The following PCDHGA7 variants were observed in gnomAD, a reference collection of about 807,000 sequenced individuals.
PCDHGA7 encodes the protein protocadherin gamma subfamily A, 7.
A neutral mutation model predicts 58.3 loss-of-function variants in PCDHGA7; 44 were observed. The observed-to-expected ratio is 0.75, with a 90% CI of 0.59 to 0.97. The LOEUF is 0.97. Among genes scored for constraint, PCDHGA7 ranks in the 50% least tolerant of loss-of-function variants. The probability of loss-of-function intolerance (pLI) is 0.00; values close to 1 mark genes in which losing one functional copy is unlikely to be tolerated. For synonymous variants in PCDHGA7, 516 were observed against 504.2 expected, an observed-to-expected ratio of 1.02 and a Z score of -0.31; for missense variants, 1,266 against 1,188.7, an observed-to-expected ratio of 1.06 and a Z score of -0.96.
At chr5:141,451,535 A>G (rs150174911) in intron 1 of PCDHGA7, among the ~76,000 whole-genome samples, 2 of 152,328 alleles carry the variant, frequency 1.3e-5, no homozygotes, top group Non-Finnish European at 2.9e-5. Flanking sequence ...GGAGAGTGCC[A>G]GAGAGGGCAA....
chr5:141,414,290 T>G (rs781378958), intron 1 of PCDHGA7: 5 of 1,613,154 alleles, frequency 3.1e-6, no homozygotes, highest in Non-Finnish European at 4.2e-6. Context: ...GTCGTAGCCC[T>G]TTTAAATGTG....
At chr5:141,426,334 C>T (rs551131722) in intron 1 of PCDHGA7, 1 of 186,734 alleles carries the variant, frequency 5.4e-6, no homozygotes, top group South Asian at 1.1e-4. Flanking sequence ...GTGGCAAGCA[C>T]TCTTCCCTTT....
At position 141,476,321 on chromosome 5, in the gene PCDHGA7, G is replaced by A; in HGVS notation, c.2425-18486G>A. 1 of 1,614,196 alleles carries A rather than the reference G, an allele frequency of 6.2e-7. No homozygotes were observed. The highest frequency in any genetic ancestry group is 1.3e-5 in the African/African-American group (1 of 75,054). ...CCTCTCAGCCCGCAGGTTCCGGGTG[G>A]TGTCTGGAGCTAGCCGAAGATTCTT... On this transcript the variant is annotated intron_variant, in intron 1 of 3. Coordinates refer to ENST00000518325, the MANE Select transcript of PCDHGA7 (RefSeq NM_018920.4). The surrounding 1 kb of genome is among the most constrained non-coding windows in gnomAD (Gnocchi z 7.6).
chr5:141,423,730 A>G, intron 1 of PCDHGA7: 1 of 831,022 alleles, frequency 1.2e-6, no homozygotes. Flanking sequence ...ATGTTTTTTG[A>G]GCCTGTTATG....
chr5:141,431,767 T>G lies in PCDHGA7; in HGVS notation c.2424+46444T>G, dbSNP rs1397063213. On this transcript the variant is annotated intron_variant, in intron 1 of 3. Coordinates refer to ENST00000518325, the MANE Select transcript of PCDHGA7 (RefSeq NM_018920.4). The surrounding 1 kb of genome is among the most constrained non-coding windows in gnomAD (Gnocchi z 4.8). ...CTGCGCGAGCCAAAGTCCTGATCAC[T>G]GTTCTGGACGTGAACGACAATGCCC... The G allele has an allele frequency of 6.2e-7, 1 of 1,614,224 alleles. No individual in the cohort carries two copies.
intron 1 of PCDHGA7, chr5:141,417,635 G>C (rs1195744332): frequency 1.4e-6 from 1 of 724,902 alleles, no homozygotes; most frequent in Non-Finnish European, 2.1e-6. Flanking sequence ...CTGACGCCGG[G>C]GATCCCTCAG....
At position 141,385,292 on chromosome 5, in the gene PCDHGA7, AG is replaced by A. The variant is rs1458906535; in HGVS notation, c.2395del (p.Glu799AsnfsTer53). 1 of 1,613,082 alleles carries A rather than the reference AG, an allele frequency of 6.2e-7. No homozygotes were observed. The highest frequency in any genetic ancestry group is 1.3e-5 in the African/African-American group (1 of 74,934). On this transcript the variant is annotated frameshift_variant, in exon 1 of 4. Transcript: ENST00000518325. LOFTEE classifies it high-confidence loss of function. ...TCTTTGCTAACATCCGTAGATTTTC[AG>A]GAATGTAAAGAAAACCTGCCAAGTA... ...NDSLLTSVDF[Q>X]ECKENLPSIQ...
intron 1 of PCDHGA7, chr5:141,396,655 C>T (rs1589287485): frequency 6.6e-6 from 1 of 152,052 alleles, no homozygotes; most frequent in South Asian, 2.1e-4. Context: ...AGTAAAAACT[C>T]GGTATAGGCT....
chr5:141,417,936 A>G (rs1266177574), intron 1 of PCDHGA7: 3 of 1,612,080 alleles, frequency 1.9e-6, no homozygotes, highest in Non-Finnish European at 1.7e-6. Flanking sequence ...CCTTTGTTCT[A>G]CCCCACGCTG....
At chr5:141,407,708 G>C (rs2094972839) in intron 1 of PCDHGA7, among the ~76,000 whole-genome samples, 1 of 152,106 alleles carries the variant, frequency 6.6e-6, no homozygotes, top group African/African-American at 2.4e-5. Flanking sequence ...TGAAGGTGGG[G>C]TGATGGCTAT....
At chr5:141,418,851 G>A (rs778281594) in intron 1 of PCDHGA7, 9 of 1,613,906 alleles carry the variant, frequency 5.6e-6, no homozygotes, top group South Asian at 2.2e-5. Context: ...TCAACACGGT[G>A]TAAAGTAATT....
At position 141,511,574 on chromosome 5, in the gene PCDHGA7, GT is replaced by G. The variant is rs1158598698; in HGVS notation, c.*403del. ...CAGTTCCTCTTTCCCGAGTAAGGTG[GT>G]TGGGGTGTTGAAGTACCAAGTAACC... On this transcript the variant is annotated 3_prime_UTR_variant, in exon 4 of 4. Coordinates refer to ENST00000518325, the MANE Select transcript of PCDHGA7 (RefSeq NM_018920.4). 3.5e-6 allele frequency: 1 copy of G among 287,556 alleles called. No individual in the cohort carries two copies. The highest frequency in any genetic ancestry group is 2.2e-5 in the African/African-American group (1 of 46,340). 17.8% of individuals were successfully genotyped at this position (287,556 alleles called of 1,614,324 possible).
intron 1 of PCDHGA7, among the ~76,000 whole-genome samples, chr5:141,460,951 G>GTATA (rs200454978): frequency 7.9e-5 from 11 of 139,774 alleles, no homozygotes; most frequent in Middle Eastern, 3.7e-3. Context: ...TATGTATTAT[G>GTATA]TATATATATA....
intron 1 of PCDHGA7, among the ~76,000 whole-genome samples, chr5:141,445,738 T>G (rs553879167): frequency 9.9e-5 from 15 of 152,122 alleles, no homozygotes; most frequent in Non-Finnish European, 1.9e-4. Context: ...AAAGATCTTT[T>G]TAAAAAATAA....
chr5:141,459,117 T>A (rs1489347692), intron 1 of PCDHGA7, among the ~76,000 whole-genome samples: 1 of 152,224 alleles, frequency 6.6e-6, no homozygotes, highest in Non-Finnish European at 1.5e-5. Flanking sequence ...GACAATTGTT[T>A]ACATCTGTGT....
At chr5:141,465,894 G>A (rs970043849) in intron 1 of PCDHGA7, among the ~76,000 whole-genome samples, 1 of 152,098 alleles carries the variant, frequency 6.6e-6, no homozygotes, top group Non-Finnish European at 1.5e-5. Flanking sequence ...AGGCCGAGGC[G>A]GGCAAATCAC....
chr5:141,491,966 G>A lies in PCDHGA7; in HGVS notation c.2425-2841G>A. 1.1e-6 allele frequency: 1 copy of A among 943,066 alleles called. No individual in the cohort carries two copies. Among genetic ancestry groups the A allele is most frequent in the Non-Finnish European group, 1.5e-6 (1 of 669,210 alleles). The allele number at this position is 943,066 out of a possible 1,614,324, so 58.4% of individuals were successfully genotyped here. On this transcript the variant is annotated intron_variant, in intron 1 of 3. Coordinates refer to ENST00000518325, the MANE Select transcript of PCDHGA7 (RefSeq NM_018920.4). The surrounding 1 kb of genome is among the most constrained non-coding windows in gnomAD (Gnocchi z 6.9). ...CCACCCCTACACTCAAAAAAGGCCG[G>A]GGCCTCCTTCGAGCTTCCGGTGAAT...
At chr5:141,438,629 TATATATACAC>T (rs1412065186) in intron 1 of PCDHGA7, among the ~76,000 whole-genome samples, 590 of 47,950 alleles carry the variant, frequency 0.012, no homozygotes, top group African/African-American at 0.039. Flanking sequence ...TATATATATA[TATATATACAC>T]ACACACACAC....
At chr5:141,448,069 T>G (rs1184496754) in intron 1 of PCDHGA7, among the ~76,000 whole-genome samples, 1 of 151,202 alleles carries the variant, frequency 6.6e-6, no homozygotes, top group African/African-American at 2.4e-5. Context: ...CTGGGCAACA[T>G]GAACGAAATG....
Sources: gnomAD v4.1 joint callset for allele counts (sites outside exome capture counted in the v4.1 genomes callset) on GRCh38, gnomAD v4.1.1 for gene constraint, Gnocchi (gnomAD v3.1) non-coding constraint, MANE v1.5 for transcripts, NCBI Gene and HGNC (gene_info 2026-07-23, HGNC 2026-07-21) for gene names.